NIM1K: variants seen among roughly 807,000 people sequenced by gnomAD.
The protein encoded by NIM1K is NIM1 serine/threonine protein kinase.
A neutral mutation model predicts 37.1 loss-of-function variants in NIM1K; 35 were observed. That is an observed-to-expected ratio of 0.94 (90% CI 0.72 to 1.25). NIM1K has a LOEUF of 1.25. Among genes scored for constraint, NIM1K ranks in the 50% most tolerant of loss-of-function variants. The pLI, the probability that NIM1K is intolerant of heterozygous loss-of-function variation, is 0.00. For missense variants in NIM1K, 564 were observed against 548.0 expected (o/e 1.03, Z -0.29); for synonymous variants, 234 against 206.6 (o/e 1.13, Z -1.14).
chr5:43,224,273 C>T (rs1315046355), intron 1 of NIM1K, among the ~76,000 whole-genome samples: 2 of 151,830 alleles, frequency 1.3e-5, no homozygotes, highest in African/African-American at 4.8e-5. Context: ...TCGAAGTGTC[C>T]CATAATCTAC....
rs1753427099 is a variant in NIM1K at position 43,280,580 on chromosome 5, A to G, written c.1162A>G (p.Arg388Gly). The G allele has an allele frequency of 6.2e-7, 1 of 1,614,186 alleles. No individual in the cohort carries two copies. Among genetic ancestry groups the G allele is most frequent in the Non-Finnish European group, 8.5e-7 (1 of 1,180,024 alleles). Residue 388 changes from arginine (R) to glycine (G), a missense_variant, in exon 4 of 4, where the codon AGA becomes GGA. Arg to Gly is a moderately radical substitution (Grantham distance 125). Transcript: ENST00000326035. Reference protein sequence around the residue: ...DARSSITGVYRIILHRVQRKK... With the variant: ...DARSSITGVYGIILHRVQRKK... ...TCGCAGCTCAATCACAGGGGTCTAT[A>G]GAATTATTTTACATAGAGTCCAAAG...
chr5:43,269,297 A>C (rs1753217918), intron 2 of NIM1K, among the ~76,000 whole-genome samples: 1 of 119,082 alleles, frequency 8.4e-6, no homozygotes. Context: ...CAACAAAGTG[A>C]GACTTCATCT....
At chr5:43,259,882 T>A (rs1753002209) in intron 2 of NIM1K, among the ~76,000 whole-genome samples, 1 of 152,160 alleles carries the variant, frequency 6.6e-6, no homozygotes, top group African/African-American at 2.4e-5. Context: ...CAGTAGAGTT[T>A]TTCCTGTTTT....
At position 43,277,182 on chromosome 5, in the gene NIM1K, G is replaced by T. The variant is rs1753355786; in HGVS notation, c.418G>T (p.Val140Leu). ...HPNIIRLYEV[V>L]ETLSKLHLVM... Reference sequence around the variant, plus strand: ...CAACATCATCCGCCTTTACGAAGTGGTGGAGACCCTATCCAAGCTGCACTT... The same window carrying T: ...CAACATCATCCGCCTTTACGAAGTGTTGGAGACCCTATCCAAGCTGCACTT... The change falls in exon 3 of 4, where the codon GTG becomes TTG. Residue 140 changes from valine (V) to leucine (L), a missense_variant. Transcript: ENST00000326035. 6.2e-7 allele frequency: 1 copy of T among 1,614,014 alleles called. No homozygotes were observed. The highest frequency in any genetic ancestry group is 8.5e-7 in the Non-Finnish European group (1 of 1,180,020).
chr5:43,264,679 T>G (rs1012969304), intron 2 of NIM1K, among the ~76,000 whole-genome samples: 2 of 152,216 alleles, frequency 1.3e-5, no homozygotes, highest in Non-Finnish European at 2.9e-5. Context: ...TAGCTGGTTA[T>G]TTTGCTTGTT....
rs77812775 is a variant in NIM1K at position 43,279,471 on chromosome 5, G to A, written c.562-509G>A. 2.1e-3 allele frequency among the ~76,000 whole-genome samples: 314 copies of A among 152,262 alleles called. 8 individuals are homozygous for A. In the East Asian group the frequency reaches 0.041, roughly 20 times the overall value. On this transcript the variant is annotated intron_variant, in intron 3 of 3. Coordinates refer to ENST00000326035, the MANE Select transcript of NIM1K (RefSeq NM_153361.4). ...GGATGCAAGGGTGGGAGTGGAGCAT[G>A]TGCCCACAATCCACAGTGTGTTCTG...
intron 2 of NIM1K, among the ~76,000 whole-genome samples, chr5:43,276,236 G>A (rs1753338301): frequency 1.3e-5 from 2 of 152,234 alleles, no homozygotes; most frequent in South Asian, 4.1e-4. Context: ...ATTAGCTCAT[G>A]ATTCTGCAGG....
At chr5:43,232,737 A>G (rs888478250) in intron 1 of NIM1K, 1 of 1,232,878 alleles carries the variant, frequency 8.1e-7, no homozygotes, top group African/African-American at 1.5e-5. Flanking sequence ...ACCCAGAACC[A>G]ATTCCTTCAC....
intron 1 of NIM1K, among the ~76,000 whole-genome samples, chr5:43,226,147 G>A (rs1752453833): frequency 6.6e-6 from 1 of 152,178 alleles, no homozygotes; most frequent in Non-Finnish European, 1.5e-5. Context: ...GGAAGGATGG[G>A]GACCATATTG....
intron 2 of NIM1K, among the ~76,000 whole-genome samples, chr5:43,275,522 C>T (rs1423224927): frequency 1.3e-5 from 2 of 152,188 alleles, no homozygotes; most frequent in Non-Finnish European, 2.9e-5. Flanking sequence ...TTAATGCTCC[C>T]GCCAGCAGCA....
At chr5:43,237,982 C>T (rs1002560047) in intron 1 of NIM1K, among the ~76,000 whole-genome samples, 6 of 150,864 alleles carry the variant, frequency 4.0e-5, no homozygotes, top group Non-Finnish European at 7.4e-5. Flanking sequence ...ACCCAGTTTT[C>T]GTGTCTTCTA....
intron 1 of NIM1K, among the ~76,000 whole-genome samples, chr5:43,226,798 C>T (rs570200716): frequency 6.6e-6 from 1 of 152,230 alleles, no homozygotes; most frequent in East Asian, 1.9e-4. Flanking sequence ...CACAAATGAG[C>T]TAGAAAGATA....
intron 2 of NIM1K, among the ~76,000 whole-genome samples, chr5:43,264,787 C>G (rs112227807): frequency 6.6e-6 from 1 of 152,138 alleles, no homozygotes; most frequent in East Asian, 1.9e-4. Flanking sequence ...TTTAGTGCTT[C>G]CTTCAGGAGC....
At chr5:43,207,071 A>G in intron 1 of NIM1K, 1 of 711,414 alleles carries the variant, frequency 1.4e-6, no homozygotes, top group Non-Finnish European at 2.6e-6. Flanking sequence ...CCCATTACCT[A>G]TGGGCGCCTG....
chr5:43,201,973 C>CAA (rs1233857895), intron 1 of NIM1K, among the ~76,000 whole-genome samples: 26 of 89,032 alleles, frequency 2.9e-4, no homozygotes, highest in African/African-American at 1.0e-3. Flanking sequence ...GACTCCCTCT[C>CAA]AAAAAAAAAA....
intron 2 of NIM1K, among the ~76,000 whole-genome samples, chr5:43,262,851 A>G (rs181150426): frequency 1.3e-5 from 2 of 152,268 alleles, no homozygotes; most frequent in South Asian, 2.1e-4. Flanking sequence ...CCTTTTCTGC[A>G]TCTATTGAGA....
At chr5:43,255,907 T>C (rs560524309) in intron 2 of NIM1K, among the ~76,000 whole-genome samples, 10 of 151,480 alleles carry the variant, frequency 6.6e-5, no homozygotes, top group African/African-American at 2.2e-4. Flanking sequence ...GGGAACTCCA[T>C]CAAGCAGAAG....
chr5:43,260,274 G>A (rs1487719798), intron 2 of NIM1K, among the ~76,000 whole-genome samples: 1 of 152,172 alleles, frequency 6.6e-6, no homozygotes, highest in Non-Finnish European at 1.5e-5. Flanking sequence ...TTGAACAGAA[G>A]TGATGAAAGT....
At chr5:43,231,960 G>C in intron 1 of NIM1K, 1 of 963,978 alleles carries the variant, frequency 1.0e-6, no homozygotes, top group Non-Finnish European at 1.6e-6. Context: ...GTGAACAAAA[G>C]CACTCTTGAC....
Sources: allele counts gnomAD v4.1 joint callset (sites outside exome capture counted in the v4.1 genomes callset), GRCh38; gene constraint gnomAD v4.1.1; transcripts MANE v1.5; gene names NCBI Gene and HGNC (gene_info 2026-07-23, HGNC 2026-07-21).